Variants in PVALB observed in about 807,000 individuals in gnomAD.
PVALB encodes parvalbumin alpha.
A neutral mutation model predicts 10.9 loss-of-function variants in PVALB; 11 were observed. The ratio of observed to expected loss-of-function variants is 1.01; its 90% CI spans 0.63 to 1.67. The LOEUF (loss-of-function observed/expected upper bound fraction) is 1.67. Ranked by LOEUF, PVALB falls within the 40% of genes most tolerant of loss-of-function variation. The pLI is 0.00. For missense variants in PVALB, 131 were observed against 136.2 expected, an observed-to-expected ratio of 0.96 and a Z score of 0.19; for synonymous variants, 57 against 50.7, an observed-to-expected ratio of 1.12 and a Z score of -0.53.
chr22:36,800,886 C>T lies in PVALB; in HGVS notation c.*4G>A, dbSNP rs1055502371. 3 of 1,610,066 alleles carry T rather than the reference C, an allele frequency of 1.9e-6. No homozygotes were observed. The highest frequency in any genetic ancestry group is 8.5e-7 in the Non-Finnish European group (1 of 1,176,406). On this transcript the variant is annotated 3_prime_UTR_variant, in exon 4 of 4. Coordinates refer to ENST00000417718, the MANE Select transcript of PVALB (RefSeq NM_001315532.2). Reference sequence around the variant, plus strand: ...GGTGGAAGACCAGGGGCAGTCAGTGCTTCTTAGCTTTCAGCCACCAGAGTG... The same window carrying T: ...GGTGGAAGACCAGGGGCAGTCAGTGTTTCTTAGCTTTCAGCCACCAGAGTG...
At chr22:36,813,228 T>C (rs764460726) in intron 3 of PVALB, among the ~76,000 whole-genome samples, 41 of 152,180 alleles carry the variant, frequency 2.7e-4, no homozygotes, top group Non-Finnish European at 5.6e-4. Context: ...CAGAGGATCC[T>C]TGGGGATTAG....
Position 36,807,285 on chromosome 22 carries a change from T to C in PVALB, c.304+6361A>G, listed in dbSNP as rs112571461. The stretch of plus-strand genomic sequence containing the variant: ...CAGTTTTCAAGTCTCTCAGTGGGCA[T>C]CACAGTGTCCCCTAAACCTCATTGA... On this transcript the variant is annotated intron_variant, in intron 3 of 3. Coordinates refer to ENST00000417718, the MANE Select transcript of PVALB (RefSeq NM_001315532.2). Among the ~76,000 whole-genome samples, 1,365 of 152,218 alleles carry C rather than the reference T, an allele frequency of 9.0e-3. 24 individuals carry two copies. Among genetic ancestry groups the C allele is most frequent in the African/African-American group, 0.03 (1,266 of 41,540 alleles).
Position 36,815,111 on chromosome 22 carries a change from A to G in PVALB, c.186T>C (p.Asp62=), listed in dbSNP as rs201360453. 109 of 1,614,134 alleles carry G rather than the reference A, an allele frequency of 6.8e-5. No homozygotes were observed. The East Asian group carries it at 1.9e-3, about 29-fold the overall frequency. ...DKDKSGFIEE[D]ELGFILKGFS... is the part of the protein sequence containing the mutation. Reference sequence around the variant, plus strand: ...TGCAGGCCTCCGCTTACCCCAGCTCATCCTCCTCGATGAAGCCACTTTTGT... The same window carrying G: ...TGCAGGCCTCCGCTTACCCCAGCTCGTCCTCCTCGATGAAGCCACTTTTGT... Residue 62 remains aspartate (D), a synonymous_variant, in exon 2 of 4, where the codon GAT becomes GAC. Coordinates refer to ENST00000417718, the MANE Select transcript of PVALB (RefSeq NM_001315532.2).
chr22:36,810,488 G>A (rs889738649), intron 3 of PVALB, among the ~76,000 whole-genome samples: 1 of 152,220 alleles, frequency 6.6e-6, no homozygotes, highest in Non-Finnish European at 1.5e-5. Context: ...TGGGGCCCCA[G>A]TGCCTCAGGG....
intron 3 of PVALB, 111 bp downstream of exon 3, chr22:36,813,535 G>C (rs1012850748): frequency 2.4e-6 from 2 of 847,726 alleles, no homozygotes; most frequent in Admixed American, 1.9e-5. Context: ...ATCTGGGGGA[G>C]TGAGGGACCC....
At chr22:36,811,533 A>G (rs1415184929) in intron 3 of PVALB, 3 of 462,120 alleles carry the variant, frequency 6.5e-6, no homozygotes, top group Non-Finnish European at 1.3e-5. Flanking sequence ...ATCTGTTAGA[A>G]GAGTTTAGTT....
rs542532373 is a variant in PVALB at position 36,816,819 on chromosome 22, G to A, written c.61+126C>T. On this transcript the variant is annotated intron_variant, in intron 1 of 3. Coordinates refer to ENST00000417718, the MANE Select transcript of PVALB (RefSeq NM_001315532.2). ...GGACGCCCCCGCCCCGACCTCGCCG[G>A]CGCCCAGCGGGAAGTGTGGGCAGAA... The A allele has an allele frequency of 3.6e-4, 276 of 757,922 alleles. 1 individual carries two copies. Among genetic ancestry groups the A allele is most frequent in the Non-Finnish European group, 5.2e-4 (261 of 505,478 alleles). The allele number at this position is 757,922 out of a possible 1,614,324, so 46.9% of individuals were successfully genotyped here. A position where few individuals can be genotyped will look rare whatever the true frequency, so the allele number is the denominator to read the frequency against.
intron 2 of PVALB, among the ~76,000 whole-genome samples, chr22:36,814,645 C>T (rs1939107676): frequency 6.6e-6 from 1 of 152,116 alleles, no homozygotes; most frequent in South Asian, 2.1e-4. Flanking sequence ...AGAGGTGGTT[C>T]TGCATCCCTG....
At chr22:36,811,657 G>T (rs1200089735) in intron 3 of PVALB, 1 of 417,562 alleles carries the variant, frequency 2.4e-6, no homozygotes, top group Non-Finnish European at 4.9e-6. Flanking sequence ...CAGCCATGAA[G>T]ACCCAGCCCA....
chr22:36,813,991 A>G (rs1939090280), intron 2 of PVALB, among the ~76,000 whole-genome samples: 1 of 152,226 alleles, frequency 6.6e-6, no homozygotes, highest in Admixed American at 6.5e-5. Flanking sequence ...TCCTCACTTC[A>G]GGGAGGGCAC....
upstream of PVALB, chr22:36,817,324 C>G (rs1569095234): frequency 4.3e-6 from 1 of 230,976 alleles, no homozygotes; most frequent in Non-Finnish European, 8.3e-6. Context: ...TTAGGGGGCA[C>G]TGGCGTCACC....
chr22:36,817,203 G>A (rs1215292903), upstream of PVALB, among the ~76,000 whole-genome samples: 1 of 152,122 alleles, frequency 6.6e-6, no homozygotes, highest in African/African-American at 2.4e-5. Flanking sequence ...AGCGCCGGCC[G>A]CCGGCAAGAA....
At chr22:36,813,602 C>T (rs761184214) in intron 3 of PVALB, 44 bp downstream of exon 3, 1 of 1,512,554 alleles carries the variant, frequency 6.6e-7, no homozygotes, top group East Asian at 2.3e-5. Context: ...ATCCAACACC[C>T]CAAGATCCAC....
intron 1 of PVALB, 118 bp from the exon 2 acceptor site, chr22:36,815,353 A>T: frequency 7.3e-7 from 1 of 1,365,124 alleles, no homozygotes; most frequent in Non-Finnish European, 1.0e-6. Context: ...ATGGGGAATG[A>T]GAGGTACCCA....
chr22:36,816,837 G>A (rs945343063), intron 1 of PVALB, 108 bp downstream of exon 1: 1 of 969,272 alleles, frequency 1.0e-6, no homozygotes, highest in Admixed American at 3.0e-5. Flanking sequence ...CGGGAAGTGT[G>A]GGCAGAAGCG....
intron 3 of PVALB, among the ~76,000 whole-genome samples, chr22:36,812,780 G>T (rs1200968284): frequency 6.6e-6 from 1 of 152,198 alleles, no homozygotes; most frequent in African/African-American, 2.4e-5. Context: ...ACTCATTCAG[G>T]CCTGGTTCTA....
chr22:36,814,406 G>C (rs1435668757), intron 2 of PVALB, among the ~76,000 whole-genome samples: 1 of 152,048 alleles, frequency 6.6e-6, no homozygotes, highest in Non-Finnish European at 1.5e-5. Context: ...AGGATGGGTG[G>C]GGAAGTCCCT....
intron 3 of PVALB, among the ~76,000 whole-genome samples, chr22:36,808,311 C>T (rs1036747371): frequency 2.0e-5 from 3 of 152,170 alleles, no homozygotes; most frequent in African/African-American, 7.2e-5. Context: ...GGGATGAATG[C>T]TAACCTCGAT....
chr22:36,814,612 T>C (rs2269511), intron 2 of PVALB, among the ~76,000 whole-genome samples: 104,609 of 151,936 alleles, frequency 0.69, 36,882 homozygotes, highest in Middle Eastern at 0.84. Flanking sequence ...TCTCTGCTTT[T>C]CTCCAAGGAC....
Sources: allele counts gnomAD v4.1 joint callset (sites outside exome capture counted in the v4.1 genomes callset), GRCh38; gene constraint gnomAD v4.1.1; transcripts MANE v1.5; gene names NCBI Gene and HGNC (gene_info 2026-07-23, HGNC 2026-07-21).